ASTN1: variants seen among roughly 807,000 people sequenced by gnomAD.
ASTN1 encodes the protein astrotactin 1.
Under a neutral mutation model 140.7 loss-of-function variants are expected in ASTN1, and 41 were observed. The observed-to-expected ratio is 0.29, with a 90% confidence interval of 0.23 to 0.38. ASTN1 has a LOEUF of 0.38. ASTN1 is among the 10% of genes least tolerant of loss of function. The pLI, the probability that ASTN1 is intolerant of heterozygous loss-of-function variation, is 1.00. For missense variants in ASTN1, 1,479 were observed against 1,678.8 expected (o/e 0.88, Z 2.08); for synonymous variants, 640 against 652.2 (o/e 0.98, Z 0.29).
chr1:177,004,877 G>C (rs904010676), intron 8 of ASTN1, among the ~76,000 whole-genome samples: 1 of 152,074 alleles, frequency 6.6e-6, no homozygotes, highest in African/African-American at 2.4e-5. Flanking sequence ...AAAAATTCTA[G>C]CAGAAAACCT....
intron 2 of ASTN1, among the ~76,000 whole-genome samples, chr1:177,043,085 C>A (rs2101997460): frequency 6.6e-6 from 1 of 152,320 alleles, no homozygotes; most frequent in East Asian, 1.9e-4. Context: ...AGCAAAAATT[C>A]TGTGGAGATA....
At chr1:176,901,980 G>T (rs369343309) in intron 16 of ASTN1, among the ~76,000 whole-genome samples, 7 of 152,094 alleles carry the variant, frequency 4.6e-5, no homozygotes, top group African/African-American at 1.7e-4. Context: ...TTTGGTAATT[G>T]TTCAAGAAGT....
chr1:176,912,722 G>C (rs947911039), intron 16 of ASTN1, among the ~76,000 whole-genome samples: 1 of 152,094 alleles, frequency 6.6e-6, no homozygotes, highest in Non-Finnish European at 1.5e-5. Context: ...GGAACACAGG[G>C]GGATGGTGGA....
At chr1:176,994,484 C>T (rs1674346323) in intron 8 of ASTN1, among the ~76,000 whole-genome samples, 2 of 152,098 alleles carry the variant, frequency 1.3e-5, no homozygotes, top group Non-Finnish European at 2.9e-5. Context: ...GTTGGAACTA[C>T]AGGCTTGTGC....
chr1:177,019,144 A>G (rs1675697794), intron 7 of ASTN1, among the ~76,000 whole-genome samples: 2 of 152,166 alleles, frequency 1.3e-5, no homozygotes, highest in African/African-American at 2.4e-5. Context: ...AGGCAGCCTG[A>G]GTTTGAAGTC....
intron 8 of ASTN1, among the ~76,000 whole-genome samples, chr1:177,010,172 A>T (rs1009142837): frequency 1.3e-5 from 2 of 152,090 alleles, no homozygotes; most frequent in Non-Finnish European, 2.9e-5. Context: ...ATTGTTTTCA[A>T]TTCTCTTCTG....
chr1:176,868,487 T>G (rs1256825891), intron 22 of ASTN1, among the ~76,000 whole-genome samples: 1 of 152,222 alleles, frequency 6.6e-6, no homozygotes, highest in Admixed American at 6.5e-5. Flanking sequence ...CAAAAAAAAT[T>G]TTTAGATATC....
intron 3 of ASTN1, among the ~76,000 whole-genome samples, chr1:177,031,572 A>T (rs1264634967): frequency 6.6e-6 from 1 of 152,216 alleles, no homozygotes; most frequent in African/African-American, 2.4e-5. Flanking sequence ...TCTCATTAGA[A>T]ATTGGCTCTT....
rs1424376095 is a variant in ASTN1, at chr1:177,134,293, C to T, written c.283+30101G>A. On this transcript the variant is annotated intron_variant, in intron 1 of 22. Transcript: ENST00000361833. ...GGCTCCCGAAAGCAGTAGTACCTAA[C>T]TGACCTCTCCACCACTCATTATCTA... is the stretch of plus-strand genomic sequence containing the variant. Among the ~76,000 whole-genome samples the T allele has an allele frequency of 2.0e-5, 3 of 152,358 alleles. No homozygotes were observed. The East Asian group carries it at 5.8e-4, about 29-fold the overall frequency.
intron 7 of ASTN1, among the ~76,000 whole-genome samples, chr1:177,015,510 C>T (rs1675502014): frequency 6.6e-6 from 1 of 152,132 alleles, no homozygotes; most frequent in African/African-American, 2.4e-5. Context: ...TTTAAAGGAA[C>T]TCTGGGTTTT....
At chr1:177,114,726 C>A (rs1680996989) in intron 1 of ASTN1, among the ~76,000 whole-genome samples, 1 of 152,104 alleles carries the variant, frequency 6.6e-6, no homozygotes, top group African/African-American at 2.4e-5. Flanking sequence ...TGTGTATACA[C>A]CATCACAGTT....
rs758760092 is a variant in ASTN1, at chr1:176,864,330, G to T, written c.3839C>A (p.Thr1280Asn). ...RDLRKTCEEQ[T>N]LSIPYNDYGD... ...ATAGTCGTTGTAGGGGATACTCAGG[G>T]TCTGCTCCTCACACGTCTTCCTGAG... The change falls in exon 23 of 23, where the codon ACC (threonine) becomes AAC (asparagine). Residue 1280 changes from threonine (T) to asparagine (N), a missense_variant. Thr to Asn is a moderately conservative substitution (Grantham distance 65). Around this residue, in one of 3 missense-constraint regions of ASTN1, gnomAD observed 746 missense variants for 800.9 expected, o/e 0.93. Transcript: ENST00000361833. 4 of 1,613,980 alleles carry T rather than the reference G, an allele frequency of 2.5e-6. No homozygotes were observed. The African/African-American group carries it at 4.0e-5, about 16-fold the overall frequency.
chr1:177,099,778 C>A (rs1680212312), intron 1 of ASTN1, among the ~76,000 whole-genome samples: 1 of 152,116 alleles, frequency 6.6e-6, no homozygotes. Flanking sequence ...GCATTCTCAT[C>A]TTGTTTATCT....
intron 8 of ASTN1, among the ~76,000 whole-genome samples, chr1:176,984,017 C>T (rs1447569090): frequency 6.6e-6 from 1 of 152,120 alleles, no homozygotes; most frequent in East Asian, 1.9e-4. Flanking sequence ...TCTGTCAAGC[C>T]GACTGCAAGA....
At chr1:176,891,583 C>T (rs773442649) in intron 17 of ASTN1, among the ~76,000 whole-genome samples, 39 of 152,156 alleles carry the variant, frequency 2.6e-4, no homozygotes, top group Non-Finnish European at 4.9e-4. Context: ...CACCTGAGGT[C>T]GGGAGTTCGA....
chr1:177,004,346 C>T (rs1047796816), intron 8 of ASTN1, among the ~76,000 whole-genome samples: 10 of 152,108 alleles, frequency 6.6e-5, no homozygotes, highest in African/African-American at 2.2e-4. Context: ...GGAACACCTC[C>T]CATGCTCATC....
chr1:177,069,923 T>C (rs1040848809), intron 1 of ASTN1, among the ~76,000 whole-genome samples: 16 of 152,062 alleles, frequency 1.1e-4, no homozygotes, highest in African/African-American at 3.9e-4. Flanking sequence ...GCAAATACAC[T>C]GGTAAAAGGA....
At chr1:176,978,717 G>A (rs1242460319) in intron 8 of ASTN1, among the ~76,000 whole-genome samples, 2 of 152,048 alleles carry the variant, frequency 1.3e-5, no homozygotes, top group Middle Eastern at 3.2e-3. Flanking sequence ...CAAGGTGTGC[G>A]GCAGGTAGCT....
At chr1:177,106,609 A>C (rs1306742780) in intron 1 of ASTN1, among the ~76,000 whole-genome samples, 1 of 152,324 alleles carries the variant, frequency 6.6e-6, no homozygotes, top group East Asian at 1.9e-4. Context: ...AATAGGGCCA[A>C]AGATATGTTA....
Sources: gnomAD v4.1 joint callset for allele counts (sites outside exome capture counted in the v4.1 genomes callset) on GRCh38, gnomAD v4.1.1 for gene constraint, gnomAD v4.1.1 regional missense constraint, MANE v1.5 for transcripts, NCBI Gene and HGNC (gene_info 2026-07-23, HGNC 2026-07-21) for gene names.